The following TEX11 variants were observed in gnomAD, a reference collection of about 807,000 sequenced individuals.
TEX11 encodes the protein testis-expressed protein 11.
Under a neutral mutation model 84.4 loss-of-function variants are expected in TEX11, and 7 were observed. The observed-to-expected ratio is 0.08, with a 90% CI of 0.05 to 0.16. The LOEUF (loss-of-function observed/expected upper bound fraction) is 0.16, where lower values mean the gene tolerates loss of function less well. Among genes scored for constraint, TEX11 ranks in the 10% least tolerant of loss-of-function variants. The pLI is 1.00. For synonymous variants in TEX11, 264 were observed against 222.8 expected (o/e 1.18, Z -1.64); for missense variants, 551 against 660.5 (o/e 0.83, Z 1.82).
chrX:70,714,725 A>G (rs1017338460), intron 13 of TEX11, among the ~76,000 whole-genome samples: 1 of 111,481 alleles, frequency 9.0e-6, no homozygotes, highest in African/African-American at 3.3e-5. Context: ...CAGCACACTG[A>G]TGGGTCTTGA....
At chrX:70,738,846 G>A (rs1489998875) in intron 11 of TEX11, among the ~76,000 whole-genome samples, 2 of 111,091 alleles carry the variant, frequency 1.8e-5, no homozygotes, top group Non-Finnish European at 3.8e-5. Flanking sequence ...AACTAACACA[G>A]GAACAGAAAA....
chrX:70,540,677 T>A (rs779555294), intron 28 of TEX11, among the ~76,000 whole-genome samples: 1 of 110,928 alleles, frequency 9.0e-6, no homozygotes, highest in East Asian at 2.8e-4. Flanking sequence ...TAAAACTGAG[T>A]GAACAACCCT....
chrX:70,894,115 C>A (rs979323150), intron 2 of TEX11, among the ~76,000 whole-genome samples: 1 of 110,362 alleles, frequency 9.1e-6, no homozygotes, highest in Non-Finnish European at 1.9e-5. Context: ...CAGGACCAGA[C>A]AGATTCACAG....
intron 17 of TEX11, among the ~76,000 whole-genome samples, chrX:70,640,797 A>G (rs1319723550): frequency 1.8e-5 from 2 of 111,267 alleles, no homozygotes; most frequent in African/African-American, 6.5e-5. Flanking sequence ...AACAACGGGT[A>G]CCAGCTGCTG....
intron 2 of TEX11, among the ~76,000 whole-genome samples, chrX:70,890,923 G>A (rs771351268): frequency 3.6e-5 from 4 of 112,555 alleles, no homozygotes; most frequent in Non-Finnish European, 7.5e-5. Flanking sequence ...CCTGACCCCC[G>A]TGTAGCCTAA....
rs755782390 is a variant in TEX11, at chrX:70,544,105, A to G, written c.2520+8021T>C. Among the ~76,000 whole-genome samples the G allele has an allele frequency of 1.6e-3, 177 of 112,363 alleles. 1 individual carries two copies. Among genetic ancestry groups the G allele is most frequent in the African/African-American group, 5.6e-3 (173 of 30,954 alleles). ...GTTGCTCTGGGTGAGTCAGTGAGTGAGTGGTGAGTGAACATGAAGGTGTAG... is the reference window on the plus strand; with the variant it reads ...GTTGCTCTGGGTGAGTCAGTGAGTGGGTGGTGAGTGAACATGAAGGTGTAG... On this transcript the variant is annotated intron_variant, in intron 28 of 29. Coordinates refer to ENST00000374333, the MANE Select transcript of TEX11 (RefSeq NM_031276.3).
At chrX:70,663,010 A>T (rs1174088170) in intron 16 of TEX11, among the ~76,000 whole-genome samples, 1 of 112,164 alleles carries the variant, frequency 8.9e-6, no homozygotes, top group Non-Finnish European at 1.9e-5. Flanking sequence ...TTATATTTTT[A>T]TAAATTCATT....
rs1556187117 is a variant in TEX11 at position 70,859,600 on chromosome X, A to AAAG, written c.324+1256_324+1257insCTT. ...CTGTCCAAAAAAAAAAAAAAAAAAA[A>AAAG]AGAGAGAACAGATAGATGGAGCAGA... On this transcript the variant is annotated intron_variant, in intron 5 of 29. Coordinates refer to ENST00000374333, the MANE Select transcript of TEX11 (RefSeq NM_031276.3). Among the ~76,000 whole-genome samples, 290 of 96,151 alleles carry AAAG rather than the reference A, an allele frequency of 3.0e-3. 2 individuals are homozygous for AAAG. Among genetic ancestry groups the AAAG allele is most frequent in the Middle Eastern group, 5.5e-3 (1 of 182 alleles). The allele number at this position is 96,151 out of a possible 115,157, so 83.5% of individuals were successfully genotyped here. A position where few individuals can be genotyped will look rare whatever the true frequency, so the allele number is the denominator to read the frequency against.
intron 9 of TEX11, among the ~76,000 whole-genome samples, chrX:70,786,122 T>C (rs1381287592): frequency 1.8e-5 from 2 of 111,906 alleles, no homozygotes; most frequent in African/African-American, 6.5e-5. Context: ...ATATACAGCA[T>C]GGAATACTAT....
At chrX:70,665,973 C>T (rs905471994) in intron 16 of TEX11, among the ~76,000 whole-genome samples, 1 of 111,529 alleles carries the variant, frequency 9.0e-6, no homozygotes, top group African/African-American at 3.3e-5. Flanking sequence ...ATTCCTATAT[C>T]AGAAGAAGTT....
chrX:70,640,935 T>C (rs910613752), intron 17 of TEX11, among the ~76,000 whole-genome samples: 2 of 110,714 alleles, frequency 1.8e-5, no homozygotes, highest in Non-Finnish European at 3.8e-5. Flanking sequence ...ACCTTAAATG[T>C]AAATGGACTA....
intron 17 of TEX11, among the ~76,000 whole-genome samples, chrX:70,631,459 C>T (rs940782304): frequency 1.8e-5 from 2 of 110,821 alleles, no homozygotes; most frequent in East Asian, 5.7e-4. Context: ...AAAATGAAAA[C>T]ATCCTCTGCC....
chrX:70,514,567 C>T, the TEX11 span, among the ~76,000 whole-genome samples: 11 of 101,506 alleles, frequency 1.1e-4, no homozygotes, highest in Middle Eastern at 4.9e-3. Context: ...TACACTCCAG[C>T]CTGGTGTCAG....
At chrX:70,538,303 A>T (rs2147932318) in intron 28 of TEX11, among the ~76,000 whole-genome samples, 1 of 111,057 alleles carries the variant, frequency 9.0e-6, no homozygotes, top group African/African-American at 3.3e-5. Context: ...ATAGAGCAAA[A>T]GTTGTGTTTT....
chrX:70,722,005 G>T (rs1344489402), intron 13 of TEX11, among the ~76,000 whole-genome samples: 1 of 111,819 alleles, frequency 8.9e-6, no homozygotes, highest in Non-Finnish European at 1.9e-5. Flanking sequence ...TATAAAGTAT[G>T]GTTAATGGGT....
At chrX:70,752,596 A>C (rs149602116) in intron 9 of TEX11, among the ~76,000 whole-genome samples, 46 of 110,103 alleles carry the variant, frequency 4.2e-4, no homozygotes, top group Non-Finnish European at 7.0e-4. Context: ...CAAAAATTAA[A>C]ATAGTATACT....
chrX:70,524,816 C>T (rs12836300), downstream of TEX11, among the ~76,000 whole-genome samples: 9,517 of 111,779 alleles, frequency 0.085, 728 homozygotes, highest in African/African-American at 0.25. Context: ...CCGCCTGCCT[C>T]GGCCTCCCAA....
chrX:70,844,355 G>A (rs1325416219), intron 7 of TEX11, among the ~76,000 whole-genome samples: 122 of 104,978 alleles, frequency 1.2e-3, no homozygotes, highest in African/African-American at 1.7e-3. Context: ...GCAAACTATC[G>A]CAAGGACAAA....
intron 13 of TEX11, among the ~76,000 whole-genome samples, chrX:70,700,288 T>C (rs1414157380): frequency 9.0e-6 from 1 of 111,402 alleles, no homozygotes; most frequent in Non-Finnish European, 1.9e-5. Context: ...GTTCTGTTTG[T>C]TTGTTTTACA....
Sources: gnomAD v4.1 joint callset for allele counts (sites outside exome capture counted in the v4.1 genomes callset) on GRCh38, gnomAD v4.1.1 for gene constraint, MANE v1.5 for transcripts, NCBI Gene and HGNC (gene_info 2026-07-23, HGNC 2026-07-21) for gene names.